The following AGAP1 variants were observed in gnomAD, a reference collection of about 807,000 sequenced individuals.
The protein encoded by AGAP1 is ArfGAP with GTPase domain, ankyrin repeat and PH domain 1.
In AGAP1, 29 loss-of-function variants were observed where a neutral mutation model predicts 105.3. That is an observed-to-expected ratio of 0.28 (90% CI 0.21 to 0.38). AGAP1 has a LOEUF of 0.38. AGAP1 is among the 10% of genes least tolerant of loss of function. AGAP1 has a pLI of 1.00. For missense variants in AGAP1, 998 were observed against 1,165.1 expected (o/e 0.86, Z 2.09); for synonymous variants, 509 against 485.9 (o/e 1.05, Z -0.63).
chr2:235,616,329 C>G (rs1242803452), intron 1 of AGAP1, among the ~76,000 whole-genome samples: 2 of 151,656 alleles, frequency 1.3e-5, no homozygotes, highest in Non-Finnish European at 2.9e-5. Context: ...CCACTCTACT[C>G]CAGCCTGGTG....
chr2:235,680,948 CTG>C (rs1341367167), intron 1 of AGAP1, among the ~76,000 whole-genome samples: 3 of 152,150 alleles, frequency 2.0e-5, no homozygotes, highest in Admixed American at 6.5e-5. Flanking sequence ...ATGCAGCCAG[CTG>C]TGTTTTTCCT....
chr2:235,966,245 G>T (rs1189689747), intron 12 of AGAP1, among the ~76,000 whole-genome samples: 2 of 150,118 alleles, frequency 1.3e-5, no homozygotes, highest in Admixed American at 1.3e-4. Context: ...GGAGAGAGGG[G>T]AGTCCGTTCC....
rs1953544515 is a variant in AGAP1 at position 235,752,629 on chromosome 2, G to T, written c.673+2141G>T. Among the ~76,000 whole-genome samples the T allele has an allele frequency of 6.6e-6, 1 of 152,146 alleles. No individual in the cohort carries two copies. Among genetic ancestry groups the T allele is most frequent in the Non-Finnish European group, 1.5e-5 (1 of 68,034 alleles). On this transcript the variant is annotated intron_variant, in intron 6 of 17. Coordinates refer to ENST00000304032, the MANE Select transcript of AGAP1 (RefSeq NM_001037131.3). This position sits in a 1 kb window ranked among gnomAD's most constrained non-coding sequence, Gnocchi z 4.3. ...CTCTCTGGCCCCGTGCAGAGAGCTT[G>T]CCGGTCCCCGATGCAGGATATCAGG...
intron 1 of AGAP1, among the ~76,000 whole-genome samples, chr2:235,540,142 T>C (rs937665042): frequency 7.8e-4 from 115 of 148,092 alleles, no homozygotes; most frequent in Non-Finnish European, 1.4e-3. Context: ...TCCCTCCCTC[T>C]CTCCTCTTTT....
intron 1 of AGAP1, among the ~76,000 whole-genome samples, chr2:235,684,791 G>A (rs1469258205): frequency 2.0e-5 from 3 of 152,116 alleles, no homozygotes; most frequent in Non-Finnish European, 4.4e-5. Flanking sequence ...GGTATCACTC[G>A]TCAATCTTAG....
At chr2:235,594,180 C>G (rs1161421935) in intron 1 of AGAP1, among the ~76,000 whole-genome samples, 1 of 152,004 alleles carries the variant, frequency 6.6e-6, no homozygotes, top group African/African-American at 2.4e-5. Flanking sequence ...CTTAGTACTT[C>G]AGCTTCTTAC....
At chr2:235,768,122 C>T (rs898053005) in intron 6 of AGAP1, among the ~76,000 whole-genome samples, 1 of 152,030 alleles carries the variant, frequency 6.6e-6, no homozygotes, top group Non-Finnish European at 1.5e-5. Context: ...TTTTCTTTTC[C>T]CTCTTAGTTT....
chr2:235,986,957 G>A (rs2055338746), intron 13 of AGAP1, among the ~76,000 whole-genome samples: 1 of 152,060 alleles, frequency 6.6e-6, no homozygotes, highest in Admixed American at 6.6e-5. Context: ...TCTCTTCCTG[G>A]TTTTGGTATC....
rs550686467 is a variant in AGAP1, at chr2:235,882,426, G to A, written c.1051-919G>A. ...GGTCGGCAGGGTGTTCTTCTCCTGC[G>A]TCTCCGTTTTCTTCAGCTTGGCCCT... On this transcript the variant is annotated intron_variant, in intron 9 of 17. Coordinates refer to ENST00000304032, the MANE Select transcript of AGAP1 (RefSeq NM_001037131.3). This position sits in a 1 kb window ranked among gnomAD's most constrained non-coding sequence, Gnocchi z 4.6. The A allele has an allele frequency of 5.9e-5, 94 of 1,585,122 alleles. No individual in the cohort carries two copies. The highest frequency in any genetic ancestry group is 6.8e-5 in the East Asian group (3 of 44,342).
chr2:235,802,548 G>T (rs577150935), intron 8 of AGAP1, among the ~76,000 whole-genome samples: 1 of 152,324 alleles, frequency 6.6e-6, no homozygotes, highest in East Asian at 1.9e-4. Context: ...TTGCATTGTG[G>T]CATTTAAGGA....
intron 16 of AGAP1, among the ~76,000 whole-genome samples, chr2:236,108,978 G>A (rs2059577421): frequency 6.6e-6 from 1 of 152,194 alleles, no homozygotes; most frequent in South Asian, 2.1e-4. Context: ...ATTACCCCTT[G>A]ACAATGTGCT....
At chr2:235,530,286 G>T (rs533706533) in intron 1 of AGAP1, among the ~76,000 whole-genome samples, 33 of 152,258 alleles carry the variant, frequency 2.2e-4, no homozygotes, top group Admixed American at 1.2e-3. Flanking sequence ...CTTGCCATAT[G>T]CCTAATGTGA....
chr2:235,568,396 C>T (rs1316750911), intron 1 of AGAP1, among the ~76,000 whole-genome samples: 1 of 152,178 alleles, frequency 6.6e-6, no homozygotes, highest in East Asian at 1.9e-4. Flanking sequence ...CCTGTTGAAC[C>T]AGAGTTTTTC....
rs191230763 is a variant in AGAP1 at position 235,631,692 on chromosome 2, G to C, written c.164-77487G>C. On this transcript the variant is annotated intron_variant, in intron 1 of 17. Coordinates refer to ENST00000304032, the MANE Select transcript of AGAP1 (RefSeq NM_001037131.3). The surrounding 1 kb of genome is among the most constrained non-coding windows in gnomAD (Gnocchi z 5.4). ...GTGACCTTCGATGGCACGGGGGATA[G>C]CAGTATCTGCTTCACATGGTCAGAA... Among the ~76,000 whole-genome samples the C allele has an allele frequency of 2.0e-4, 30 of 152,360 alleles. No homozygotes were observed. The highest frequency in any genetic ancestry group is 6.3e-4 in the African/African-American group (26 of 41,584).
chr2:235,566,652 C>T lies in AGAP1; in HGVS notation c.163+71803C>T, dbSNP rs535897150. 8.5e-5 allele frequency: 82 copies of T among 961,790 alleles called. No individual in the cohort carries two copies. The highest frequency in any genetic ancestry group is 2.3e-4 in the African/African-American group (13 of 56,726). 59.6% of individuals were successfully genotyped at this position (961,790 alleles called of 1,614,324 possible). A position where few individuals can be genotyped will look rare whatever the true frequency, so the allele number is the denominator to read the frequency against. ...TGTATGCCTGACACCTTCCTCATGC[C>T]GCAGGACCAGCCGGGACCGGGGAGA... is the stretch of plus-strand genomic sequence containing the variant. On this transcript the variant is annotated intron_variant, in intron 1 of 17. Coordinates refer to ENST00000304032, the MANE Select transcript of AGAP1 (RefSeq NM_001037131.3). This position sits in a 1 kb window ranked among gnomAD's most constrained non-coding sequence, Gnocchi z 5.2.
intron 9 of AGAP1, among the ~76,000 whole-genome samples, chr2:235,812,135 A>G (rs1260361828): frequency 6.6e-6 from 1 of 151,792 alleles, no homozygotes; most frequent in Admixed American, 6.6e-5. Flanking sequence ...TGCTCGGTGG[A>G]TGCACCAAAG....
chr2:235,501,621 A>G lies in AGAP1; in HGVS notation c.163+6772A>G, dbSNP rs79560950. Among the ~76,000 whole-genome samples the G allele has an allele frequency of 6.4e-4, 97 of 152,198 alleles. No homozygotes were observed. In the East Asian group the frequency reaches 0.018, roughly 29 times the overall value. On this transcript the variant is annotated intron_variant, in intron 1 of 17. Transcript: ENST00000304032. ...GTTTTTTGCCTAAACCAGGCGTTTT[A>G]TTTTGTTAAGACGAAAATCCCTTAT...
chr2:235,715,941 A>G lies in AGAP1; in HGVS notation c.223-1616A>G, dbSNP rs561939907. Among the ~76,000 whole-genome samples the G allele has an allele frequency of 1.5e-3, 223 of 152,270 alleles. 1 individual carries two copies. The highest frequency in any genetic ancestry group is 4.7e-3 in the African/African-American group (197 of 41,558). ...GGAGAGAGAGGCAAGGTGTGGACCC[A>G]TCGAGGCGTGAATACCGCATAGGTG... On this transcript the variant is annotated intron_variant, in intron 2 of 17. Coordinates refer to ENST00000304032, the MANE Select transcript of AGAP1 (RefSeq NM_001037131.3).
intron 10 of AGAP1, among the ~76,000 whole-genome samples, chr2:235,890,790 T>C (rs535568197): frequency 3.3e-5 from 5 of 152,250 alleles, no homozygotes; most frequent in Non-Finnish European, 5.9e-5. Context: ...GATGACATTG[T>C]CTTCTAGGTC....
Sources: gnomAD v4.1 joint callset for allele counts (sites outside exome capture counted in the v4.1 genomes callset) on GRCh38, gnomAD v4.1.1 for gene constraint, Gnocchi (gnomAD v3.1) non-coding constraint, MANE v1.5 for transcripts, NCBI Gene and HGNC (gene_info 2026-07-23, HGNC 2026-07-21) for gene names.